Variants in ERBIN observed in about 807,000 individuals in gnomAD.
The protein encoded by ERBIN is erbb2 interacting protein.
In ERBIN, 60 loss-of-function variants were observed where a neutral mutation model predicts 158.4. The observed-to-expected ratio is 0.38, with a 90% CI of 0.31 to 0.47. ERBIN has a LOEUF of 0.47. Ranked by LOEUF, ERBIN falls within the 20% of genes least tolerant of loss-of-function variation. The pLI is 0.99. For synonymous variants in ERBIN, 594 were observed against 557.2 expected, an observed-to-expected ratio of 1.07 and a Z score of -0.93; for missense variants, 1,610 against 1,648.0, an observed-to-expected ratio of 0.98 and a Z score of 0.40.
chr5:66,055,374 C>T (rs1276569970), intron 21 of ERBIN, among the ~76,000 whole-genome samples: 1 of 151,988 alleles, frequency 6.6e-6, no homozygotes, highest in African/African-American at 2.4e-5. Context: ...AATATTTTTT[C>T]CCCAGTCCAC....
chr5:66,047,327 A>C (rs898688494), intron 18 of ERBIN, among the ~76,000 whole-genome samples: 2 of 152,088 alleles, frequency 1.3e-5, no homozygotes, highest in African/African-American at 4.8e-5. Context: ...TTATGACCGA[A>C]TAATACTACA....
At chr5:66,045,412 C>A (rs969717021) in intron 17 of ERBIN, among the ~76,000 whole-genome samples, 1 of 145,524 alleles carries the variant, frequency 6.9e-6, no homozygotes, top group African/African-American at 2.8e-5. Flanking sequence ...TTACATATAG[C>A]CTATATGTAA....
chr5:65,975,514 C>T (rs1185941380), intron 1 of ERBIN, among the ~76,000 whole-genome samples: 1 of 152,204 alleles, frequency 6.6e-6, no homozygotes, highest in Non-Finnish European at 1.5e-5. Flanking sequence ...CCATGTTGGC[C>T]AGGCTGGTTG....
At chr5:65,979,449 A>G (rs1394981092) in intron 1 of ERBIN, among the ~76,000 whole-genome samples, 1 of 152,190 alleles carries the variant, frequency 6.6e-6, no homozygotes, top group Non-Finnish European at 1.5e-5. Flanking sequence ...CCAAATGAGT[A>G]AAAATTATAC....
At chr5:66,018,480 T>TG (rs1491284373) in intron 7 of ERBIN, among the ~76,000 whole-genome samples, 1 of 5,498 alleles carries the variant, frequency 1.8e-4, no homozygotes, top group African/African-American at 8.1e-4. Flanking sequence ...ATATTATATA[T>TG]TATATATTAT....
At chr5:66,029,585 CTGTCCTGTCCTGTCT>C (rs1212588859) in intron 14 of ERBIN, among the ~76,000 whole-genome samples, 1 of 151,984 alleles carries the variant, frequency 6.6e-6, no homozygotes, top group Non-Finnish European at 1.5e-5. Context: ...CTGTCCTGTC[CTGTCCTGTCCTGTCT>C]TGTCCTGTCC....
At chr5:66,071,117 G>GC (rs1371505114) in intron 21 of ERBIN, among the ~76,000 whole-genome samples, 3 of 152,110 alleles carry the variant, frequency 2.0e-5, no homozygotes, top group Admixed American at 1.3e-4. Flanking sequence ...ACTTTGGGAG[G>GC]CCGAGGCAGG....
intron 14 of ERBIN, 92 bp downstream of exon 14, chr5:66,028,435 A>G (rs1197105468): frequency 1.1e-5 from 10 of 923,246 alleles, no homozygotes; most frequent in Middle Eastern, 2.2e-4. Context: ...AAGAGCAGCT[A>G]TACATGTGGT....
intron 15 of ERBIN, 27 bp from the exon 16 acceptor site, chr5:66,043,050 A>G: frequency 6.7e-7 from 1 of 1,501,188 alleles, no homozygotes; most frequent in Non-Finnish European, 9.2e-7. Context: ...AAAATATAGT[A>G]GGTTTTTGTT....
intron 5 of ERBIN, 126 bp from the exon 6 acceptor site, chr5:66,013,423 G>C (rs1279068143): frequency 1.4e-6 from 1 of 703,248 alleles, no homozygotes; most frequent in Admixed American, 2.6e-5. Flanking sequence ...TCTCATAAAA[G>C]TAGCCACTCA....
chr5:65,998,302 G>C (rs1017087336), intron 4 of ERBIN, among the ~76,000 whole-genome samples: 1 of 149,928 alleles, frequency 6.7e-6, no homozygotes, highest in African/African-American at 2.4e-5. Flanking sequence ...TTTAGTTGCA[G>C]GTCATTGAAA....
intron 1 of ERBIN, among the ~76,000 whole-genome samples, chr5:65,958,173 C>T (rs1161881304): frequency 1.3e-4 from 19 of 142,630 alleles, no homozygotes; most frequent in Admixed American, 2.1e-4. Context: ...ACATCCCAGA[C>T]GATGGGCGGC....
At chr5:65,959,641 TGAC>T (rs1189308021) in intron 1 of ERBIN, among the ~76,000 whole-genome samples, 1 of 152,218 alleles carries the variant, frequency 6.6e-6, no homozygotes, top group African/African-American at 2.4e-5. Flanking sequence ...ATTTTTCTGA[TGAC>T]AGGTTCAGTC....
chr5:65,940,838 G>C (rs1005733282), intron 1 of ERBIN, among the ~76,000 whole-genome samples: 22 of 151,924 alleles, frequency 1.4e-4, no homozygotes, highest in African/African-American at 5.3e-4. Context: ...CATTGAGAAC[G>C]GGCCATGATG....
At chr5:66,016,410 C>A (rs978401773) in intron 7 of ERBIN, among the ~76,000 whole-genome samples, 1 of 152,066 alleles carries the variant, frequency 6.6e-6, no homozygotes, top group Non-Finnish European at 1.5e-5. Context: ...TGCAAATATT[C>A]TTTTCTCCTT....
chr5:66,015,197 C>T (rs542096512), intron 7 of ERBIN, among the ~76,000 whole-genome samples: 3 of 151,914 alleles, frequency 2.0e-5, no homozygotes, highest in South Asian at 4.2e-4. Flanking sequence ...CAAGAGATGG[C>T]AATCCAGGAG....
At chr5:66,004,099 G>A (rs1753299518) in intron 4 of ERBIN, among the ~76,000 whole-genome samples, 1 of 147,284 alleles carries the variant, frequency 6.8e-6, no homozygotes, top group Non-Finnish European at 1.5e-5. Context: ...CACCATGCTC[G>A]GCTATTTTTT....
rs1762220777 is a variant in ERBIN at position 66,078,547 on chromosome 5, A to G, written c.*17A>G. 1 of 1,470,214 alleles carries G rather than the reference A, an allele frequency of 6.8e-7. No individual in the cohort carries two copies. Among genetic ancestry groups the G allele is most frequent in the Non-Finnish European group, 9.5e-7 (1 of 1,052,398 alleles). The allele number at this position is 1,470,214 out of a possible 1,614,324, so 91.1% of individuals were successfully genotyped here. A position where few individuals can be genotyped will look rare whatever the true frequency, so the allele number is the denominator to read the frequency against. On this transcript the variant is annotated 3_prime_UTR_variant, in exon 26 of 26. Coordinates refer to ENST00000284037, the MANE Select transcript of ERBIN (RefSeq NM_001253697.2). ...TCCTCATAAGCACTGTGGACAAAAA[A>G]AGCGGGGAAGACAGCAAGATTTATT...
In ERBIN at chr5:66,081,816, T is replaced by C. The variant is rs561892644; in HGVS notation, c.*3286T>C. 1 of 152,110 alleles carries C rather than the reference T, an allele frequency of 6.6e-6. No homozygotes were observed. Among genetic ancestry groups the C allele is most frequent in the South Asian group, 2.1e-4 (1 of 4,830 alleles). 9.4% of individuals were successfully genotyped at this position (152,110 alleles called of 1,614,324 possible). ...GCCTTCTGTTTTAATGTTCAGTGAA[T>C]AGGTTTCTTATGAAATGGACATTGA... On this transcript the variant is annotated 3_prime_UTR_variant, in exon 26 of 26. Coordinates refer to ENST00000284037, the MANE Select transcript of ERBIN (RefSeq NM_001253697.2).
Sources: gnomAD v4.1 joint callset for allele counts (sites outside exome capture counted in the v4.1 genomes callset) on GRCh38, gnomAD v4.1.1 for gene constraint, MANE v1.5 for transcripts, NCBI Gene and HGNC (gene_info 2026-07-23, HGNC 2026-07-21) for gene names.